PREP: variants seen among roughly 807,000 people sequenced by gnomAD.
PREP encodes prolyl endopeptidase.
A neutral mutation model predicts 87.6 loss-of-function variants in PREP; 29 were observed. That is an observed-to-expected ratio of 0.33 (90% CI 0.25 to 0.45). The LOEUF is 0.45. Ranked by LOEUF, PREP falls within the 20% of genes least tolerant of loss-of-function variation. PREP has a pLI of 1.00. For missense variants in PREP, 695 were observed against 886.5 expected (o/e 0.78, Z 2.74); for synonymous variants, 337 against 328.6 (o/e 1.03, Z -0.28).
At chr6:105,397,779 G>A (rs1207398652) in intron 2 of PREP, 74 bp downstream of exon 2, 1 of 1,182,786 alleles carries the variant, frequency 8.5e-7, no homozygotes, top group Non-Finnish European at 1.3e-6. Context: ...GAAAGGAAAA[G>A]CTATAGTTAC....
chr6:105,327,943 A>G (rs934451706), intron 9 of PREP, among the ~76,000 whole-genome samples: 1 of 152,108 alleles, frequency 6.6e-6, no homozygotes, highest in African/African-American at 2.4e-5. Flanking sequence ...AATGAATGTG[A>G]CCAATTTTTT....
intron 2 of PREP, among the ~76,000 whole-genome samples, chr6:105,379,347 C>T (rs2114715805): frequency 1.3e-5 from 2 of 152,308 alleles, no homozygotes; most frequent in Middle Eastern, 6.8e-3. Flanking sequence ...TTGCTGACTG[C>T]ACTTTCCCTC....
intron 2 of PREP, among the ~76,000 whole-genome samples, chr6:105,392,397 T>G (rs564541988): frequency 2.0e-5 from 3 of 152,166 alleles, no homozygotes. Context: ...AACGCTACCA[T>G]GGTTACTCTG....
chr6:105,366,767 G>A (rs148854145), intron 6 of PREP, among the ~76,000 whole-genome samples: 305 of 152,276 alleles, frequency 2.0e-3, no homozygotes, highest in Middle Eastern at 6.8e-3. Flanking sequence ...GAGGGAAACC[G>A]ACACACGCTA....
chr6:105,322,191 G>A, intron 10 of PREP: 1 of 598,138 alleles, frequency 1.7e-6, no homozygotes, highest in Non-Finnish European at 2.1e-6. Context: ...AGGGGCTACA[G>A]GCCCCTACAG....
Position 105,277,911 on chromosome 6 carries a change from A to T in PREP, c.*233T>A. Reference sequence around the variant, plus strand: ...TTATCCCAACATGCCCTTAAAAAAAACACCAAAAAACCACATGTGCCTAGA... The same window carrying T: ...TTATCCCAACATGCCCTTAAAAAAATCACCAAAAAACCACATGTGCCTAGA... On this transcript the variant is annotated 3_prime_UTR_variant, in exon 15 of 15. Coordinates refer to ENST00000652536, the MANE Select transcript of PREP (RefSeq NM_002726.5). The T allele has an allele frequency of 1.7e-6, 1 of 582,702 alleles. No homozygotes were observed. Among genetic ancestry groups the T allele is most frequent in the Non-Finnish European group, 3.0e-6 (1 of 338,548 alleles). 36.1% of individuals were successfully genotyped at this position (582,702 alleles called of 1,614,324 possible).
intron 14 of PREP, chr6:105,279,068 A>G (rs963029156): frequency 2.6e-5 from 4 of 152,248 alleles, no homozygotes; most frequent in African/African-American, 9.6e-5. Flanking sequence ...AGTACCAGGC[A>G]AGTTTCCTGG....
intron 10 of PREP, among the ~76,000 whole-genome samples, chr6:105,314,316 T>G (rs1039222688): frequency 1.3e-5 from 2 of 152,172 alleles, no homozygotes; most frequent in South Asian, 2.1e-4. Flanking sequence ...ACAATGAAGT[T>G]TGCCCACTGG....
intron 3 of PREP, among the ~76,000 whole-genome samples, chr6:105,376,764 AC>A (rs1772698324): frequency 6.6e-6 from 1 of 152,194 alleles, no homozygotes; most frequent in African/African-American, 2.4e-5. Context: ...TATGGACAAT[AC>A]GTAAACCGAT....
Position 105,288,958 on chromosome 6 carries a change from A to G in PREP, c.1318-64T>C, listed in dbSNP as rs1176883531. On this transcript the variant is annotated intron_variant, in intron 10 of 14. Transcript: ENST00000652536. Reference sequence around the variant, plus strand: ...CTTAGTAGATACTGCGTGCTTTTAAATGGGAAAAATAGTAAATTCTCTCTT... The same window carrying G: ...CTTAGTAGATACTGCGTGCTTTTAAGTGGGAAAAATAGTAAATTCTCTCTT... 4 of 1,489,214 alleles carry G rather than the reference A, an allele frequency of 2.7e-6. No homozygotes were observed. In the African/African-American group the frequency reaches 5.6e-5, roughly 21 times the overall value. 92.3% of individuals were successfully genotyped at this position (1,489,214 alleles called of 1,614,324 possible). A position where few individuals can be genotyped will look rare whatever the true frequency, so the allele number is the denominator to read the frequency against.
intron 1 of PREP, among the ~76,000 whole-genome samples, chr6:105,399,165 C>T (rs946879730): frequency 6.6e-6 from 1 of 152,078 alleles, no homozygotes; most frequent in Non-Finnish European, 1.5e-5. Context: ...TCTTGCCAAT[C>T]AAGTCTCTGA....
chr6:105,329,301 T>C (rs983196925), intron 8 of PREP, among the ~76,000 whole-genome samples: 3 of 152,072 alleles, frequency 2.0e-5, no homozygotes, highest in African/African-American at 7.2e-5. Context: ...TACAGGTGTG[T>C]GCCACCATGC....
At chr6:105,398,925 T>C (rs1176690794) in intron 1 of PREP, among the ~76,000 whole-genome samples, 1 of 152,032 alleles carries the variant, frequency 6.6e-6, no homozygotes, top group Non-Finnish European at 1.5e-5. Flanking sequence ...CTGGCCAACA[T>C]GCTGAAATCC....
At chr6:105,351,687 T>C (rs1289568464) in intron 7 of PREP, among the ~76,000 whole-genome samples, 2 of 152,206 alleles carry the variant, frequency 1.3e-5, no homozygotes, top group Admixed American at 6.5e-5. Flanking sequence ...CACCATAATG[T>C]CTGATGTCAC....
intron 6 of PREP, among the ~76,000 whole-genome samples, chr6:105,367,659 G>A (rs1325497257): frequency 2.1e-5 from 3 of 141,648 alleles, no homozygotes; most frequent in Admixed American, 7.1e-5. Flanking sequence ...GCGACAGAGC[G>A]AGACTCCGTC....
intron 7 of PREP, among the ~76,000 whole-genome samples, chr6:105,350,192 A>C (rs1771909467): frequency 6.6e-6 from 1 of 152,136 alleles, no homozygotes; most frequent in Non-Finnish European, 1.5e-5. Flanking sequence ...GATTCTAAAT[A>C]TTCCTCTTTC....
At chr6:105,280,066 AT>A (rs750196865) in intron 14 of PREP, among the ~76,000 whole-genome samples, 3 of 152,202 alleles carry the variant, frequency 2.0e-5, no homozygotes, top group Non-Finnish European at 4.4e-5. Flanking sequence ...GTTAAAAAAA[AT>A]TCAGTCATTT....
At chr6:105,346,460 A>C (rs1458827803) in intron 7 of PREP, among the ~76,000 whole-genome samples, 1 of 152,240 alleles carries the variant, frequency 6.6e-6, no homozygotes, top group Non-Finnish European at 1.5e-5. Flanking sequence ...AATGACACAA[A>C]AGCCTTAAAA....
At position 105,329,015 on chromosome 6, in the gene PREP, A is replaced by G. The variant is rs1167332013; in HGVS notation, c.1027T>C (p.Cys343Arg). 3.7e-6 allele frequency: 6 copies of G among 1,613,366 alleles called. No homozygotes were observed. Among genetic ancestry groups the G allele is most frequent in the Non-Finnish European group, 5.1e-6 (6 of 1,179,400 alleles). Residue 343 changes from cysteine to arginine, a missense_variant, in exon 9 of 15, where the codon TGT (cysteine) becomes CGT (arginine). Transcript: ENST00000652536. ...HEKDVLEWIA[C>R]VRSNFLVLCY... Reference sequence around the variant, plus strand: ...AAGACCAAGAAGTTGGACCTGACACAAGCTATCCATTCTGAAAGGATAAGA... The same window carrying G: ...AAGACCAAGAAGTTGGACCTGACACGAGCTATCCATTCTGAAAGGATAAGA...
Sources: allele counts gnomAD v4.1 joint callset (sites outside exome capture counted in the v4.1 genomes callset), GRCh38; gene constraint gnomAD v4.1.1; transcripts MANE v1.5; gene names NCBI Gene and HGNC (gene_info 2026-07-23, HGNC 2026-07-21).